TUT7: variants seen among roughly 807,000 people sequenced by gnomAD.
TUT7 encodes terminal uridylyltransferase 7.
Under a neutral mutation model 165.9 loss-of-function variants are expected in TUT7, and 33 were observed. That is an observed-to-expected ratio of 0.20 (90% confidence interval 0.15 to 0.27). TUT7 has a LOEUF of 0.27. Ranked by LOEUF, TUT7 falls within the 10% of genes least tolerant of loss-of-function variation. The pLI is 1.00. For synonymous variants in TUT7, 552 were observed against 608.1 expected (o/e 0.91, Z 1.36); for missense variants, 1,338 against 1,762.3 (o/e 0.76, Z 4.31).
At chr9:86,291,241 G>A (rs1268087491) in intron 26 of TUT7, among the ~76,000 whole-genome samples, 1 of 152,046 alleles carries the variant, frequency 6.6e-6, no homozygotes, top group East Asian at 1.9e-4. Context: ...ATGGGAAAAT[G>A]GGCAAATGAT....
chr9:86,290,666 ACCT>A (rs1420311678), intron 26 of TUT7, among the ~76,000 whole-genome samples: 4 of 145,604 alleles, frequency 2.7e-5, no homozygotes, highest in Non-Finnish European at 6.0e-5. Flanking sequence ...ACATGGTGAA[ACCT>A]CGTCTCTACT....
At chr9:86,347,834 A>G (rs1163016496) in intron 2 of TUT7, among the ~76,000 whole-genome samples, 2 of 152,130 alleles carry the variant, frequency 1.3e-5, no homozygotes, top group Admixed American at 6.5e-5. Flanking sequence ...CCGACTCCCA[A>G]TTAAATTATC....
At chr9:86,294,569 T>C (rs1336212771) in intron 26 of TUT7, among the ~76,000 whole-genome samples, 3 of 120,420 alleles carry the variant, frequency 2.5e-5, no homozygotes, top group South Asian at 6.2e-4. Flanking sequence ...TTGGGGTTTT[T>C]CCATTTTTAT....
At chr9:86,339,177 T>C (rs1049698369) in intron 8 of TUT7, among the ~76,000 whole-genome samples, 1 of 152,224 alleles carries the variant, frequency 6.6e-6, no homozygotes, top group Non-Finnish European at 1.5e-5. Flanking sequence ...TTCGGATTAA[T>C]AATTTTGTTT....
rs1829482503 is a variant in TUT7 at position 86,323,228 on chromosome 9, A to G, written c.2522T>C (p.Met841Thr). ...THSVQGQTSE[M>T]IPSDEEEEDD... ...CTCCTCCTCTTCATCAGAGGGAATC[A>G]TTTCTGATGTCTGGCCCTGTACTGA... Residue 841 changes from methionine to threonine, a missense_variant, in exon 13 of 27, where the codon ATG becomes ACG. This residue lies in a region of TUT7 where 425 missense variants were observed against 474.9 expected (regional missense o/e 0.89). Transcript: ENST00000375963. 6.2e-7 allele frequency: 1 copy of G among 1,613,902 alleles called. No homozygotes were observed. The highest frequency in any genetic ancestry group is 1.3e-5 in the African/African-American group (1 of 74,894).
At chr9:86,310,614 A>C (rs888097356) in intron 18 of TUT7, 92 bp downstream of exon 18, 4 of 596,940 alleles carry the variant, frequency 6.7e-6, no homozygotes, top group Non-Finnish European at 1.1e-5. Context: ...ACTAAGATGA[A>C]ATGAATGTGA....
At chr9:86,305,131 T>A (rs2131325027) in intron 23 of TUT7, 61 bp downstream of exon 23, 2 of 1,454,976 alleles carry the variant, frequency 1.4e-6, no homozygotes, top group East Asian at 4.9e-5. Context: ...ACCCTGTCTC[T>A]ATTATAAAAG....
chr9:86,311,296 G>C lies in TUT7; in HGVS notation c.3275-487C>G, dbSNP rs1465019784. On this transcript the variant is annotated intron_variant, in intron 17 of 26. Coordinates refer to ENST00000375963, the MANE Select transcript of TUT7 (RefSeq NM_024617.4). This position sits in a 1 kb window ranked among gnomAD's most constrained non-coding sequence, Gnocchi z 4.4. ...TTAATAGGAATTAACTTCAATAGGA[G>C]AGAGGAAATTGCCTGAGCTAAGCTT... is the stretch of plus-strand genomic sequence containing the variant. Among the ~76,000 whole-genome samples, 2 of 152,182 alleles carry C rather than the reference G, an allele frequency of 1.3e-5. No homozygotes were observed. The highest frequency in any genetic ancestry group is 2.9e-5 in the Non-Finnish European group (2 of 68,038).
rs1825697671 is a variant in TUT7 at position 86,288,677 on chromosome 9, T to G, written c.4488A>C (p.Ter1496CysextTer8). ...ASAKRTQQES[*>C] ...TTTAGAGTGCTGCATTTTCCTTCCC[T>G]CATGATTCCTGCTGGGTCCTCTTCG... Residue 1496 changes from the stop codon to cysteine (C), a stop_lost, in exon 27 of 27, where the codon TGA becomes TGC. Coordinates refer to ENST00000375963, the MANE Select transcript of TUT7 (RefSeq NM_024617.4). The G allele has an allele frequency of 6.2e-7, 1 of 1,613,584 alleles. No individual in the cohort carries two copies. Among genetic ancestry groups the G allele is most frequent in the East Asian group, 2.2e-5 (1 of 44,854 alleles).
At chr9:86,316,084 G>A (rs1012555578) in intron 17 of TUT7, among the ~76,000 whole-genome samples, 14 of 152,006 alleles carry the variant, frequency 9.2e-5, no homozygotes, top group South Asian at 4.2e-4. Flanking sequence ...CTGAGGATAG[G>A]GGCCATATAT....
rs761801797 is a variant in TUT7, at chr9:86,323,430, C to A, written c.2320G>T (p.Val774Phe). 8.1e-6 allele frequency: 13 copies of A among 1,614,242 alleles called. No homozygotes were observed. The highest frequency in any genetic ancestry group is 2.7e-5 in the African/African-American group (2 of 75,060). The stretch of plus-strand genomic sequence containing the variant: ...TCATTATTACGTGTGCTGCCACAGA[C>A]AACATGCTCTCCACGTTTCTGATCA... Reference protein sequence around the residue: ...TVDQKRGEHVVCGSTRNNESE... With the variant: ...TVDQKRGEHVFCGSTRNNESE... Residue 774 changes from valine to phenylalanine, a missense_variant, in exon 13 of 27, where the codon GTC (valine) becomes TTC (phenylalanine). Val to Phe is a conservative substitution (Grantham distance 50, BLOSUM62 -1). This residue lies in a region of TUT7 where 425 missense variants were observed against 474.9 expected (regional missense o/e 0.89). Coordinates refer to ENST00000375963, the MANE Select transcript of TUT7 (RefSeq NM_024617.4).
intron 10 of TUT7, among the ~76,000 whole-genome samples, chr9:86,329,037 C>A (rs1369052155): frequency 1.3e-5 from 2 of 152,148 alleles, no homozygotes; most frequent in African/African-American, 4.8e-5. Flanking sequence ...AGAACTAGAT[C>A]CAGCTAATTA....
rs774697604 is a variant in TUT7 at position 86,320,161 on chromosome 9, G to A, written c.3029-491C>T. ...TCAGAAATCACCACCCCGCTAAAGT[G>A]TGAATTTAAAAGTTTGTGAGCATTT... On this transcript the variant is annotated intron_variant, in intron 14 of 26. Transcript: ENST00000375963. Among the ~76,000 whole-genome samples, 15 of 150,016 alleles carry A rather than the reference G, an allele frequency of 1.0e-4. No individual in the cohort carries two copies. The South Asian group carries it at 1.3e-3, about 13-fold the overall frequency.
Position 86,325,509 on chromosome 9 carries a change from T to C in TUT7, c.1614A>G (p.Ser538=), listed in dbSNP as rs777356116. ...GCTGGTGTTTCACATCCAATATTAA[T>C]GACACCTATTAATAGCAAAGAGAAA... ...RETPIKRGQV[S]LILDVKHQPS... The change falls in exon 12 of 27, where the codon TCA becomes TCG. Residue 538 remains serine (S), a synonymous_variant. Coordinates refer to ENST00000375963, the MANE Select transcript of TUT7 (RefSeq NM_024617.4). 1.9e-6 allele frequency: 3 copies of C among 1,613,056 alleles called. No homozygotes were observed. The highest frequency in any genetic ancestry group is 4.5e-5 in the East Asian group (2 of 44,862).
In TUT7 at chr9:86,322,315, A is replaced by T. The variant is rs776153566; in HGVS notation, c.3028+10T>A. 6.2e-7 allele frequency: 1 copy of T among 1,605,366 alleles called. No individual in the cohort carries two copies. The highest frequency in any genetic ancestry group is 2.2e-5 in the East Asian group (1 of 44,834). On this transcript the variant is annotated intron_variant, in intron 14 of 26. Coordinates refer to ENST00000375963, the MANE Select transcript of TUT7 (RefSeq NM_024617.4). ...ATTTTGACAAATCAAAAGAAATGTG[A>T]ATAACTTACTATAACACTGGATACA...
Position 86,353,007 on chromosome 9 carries a change from G to A in TUT7, c.193C>T (p.Pro65Ser). Residue 65 changes from proline (P) to serine (S), a missense_variant, in exon 2 of 27, where the codon CCC becomes TCC. By Grantham distance (74) the Pro-to-Ser change is moderately conservative. This residue lies in a region of TUT7 where 434 missense variants were observed against 480.8 expected (regional missense o/e 0.90). Coordinates refer to ENST00000375963, the MANE Select transcript of TUT7 (RefSeq NM_024617.4). ...GAAACAGCACATGGTCCTTTTCTGG[G>A]GGTATTCCCATAGTTCCCTGGTGTT... ...KITPGNYGNT[P>S]RKGPCAVSSN... 3 of 1,614,144 alleles carry A rather than the reference G, an allele frequency of 1.9e-6. No homozygotes were observed. Among genetic ancestry groups the A allele is most frequent in the South Asian group, 2.2e-5 (2 of 91,084 alleles).
intron 24 of TUT7, 151 bp from the exon 25 acceptor site, chr9:86,303,352 A>C (rs1241808209): frequency 1.5e-5 from 7 of 480,010 alleles, no homozygotes; most frequent in Non-Finnish European, 1.8e-5. Context: ...TCCAAACAAA[A>C]TCTAAGACCA....
rs961766824 is a variant in TUT7, at chr9:86,288,725, A to G, written c.4440T>C (p.Tyr1480=). Reference sequence around the variant, plus strand: ...TCGCTGAGGCTTTTCCCTGAGTCATATATTTACTGGAAAGGCTACCTAGAG... The same window carrying G: ...TCGCTGAGGCTTTTCCCTGAGTCATGTATTTACTGGAAAGGCTACCTAGAG... ...KGSSGSLSSK[Y]MTQGKASAKR... Residue 1480 remains tyrosine, a synonymous_variant, in exon 27 of 27, where the codon TAT becomes TAC. Transcript: ENST00000375963. 2 of 1,613,784 alleles carry G rather than the reference A, an allele frequency of 1.2e-6. No individual in the cohort carries two copies. Among genetic ancestry groups the G allele is most frequent in the Admixed American group, 1.7e-5 (1 of 60,008 alleles).
chr9:86,338,716 T>A, intron 9 of TUT7, 107 bp downstream of exon 9: 2 of 1,232,492 alleles, frequency 1.6e-6, no homozygotes, highest in Non-Finnish European at 2.1e-6. Flanking sequence ...TCTCTTTTGA[T>A]GTCTATAAAT....
Sources: allele counts gnomAD v4.1 joint callset (sites outside exome capture counted in the v4.1 genomes callset), GRCh38; gene constraint gnomAD v4.1.1; regional missense constraint gnomAD v4.1.1; non-coding constraint Gnocchi (gnomAD v3.1); transcripts MANE v1.5; gene names NCBI Gene and HGNC (gene_info 2026-07-23, HGNC 2026-07-21).